Variants in DLG1 observed in about 807,000 individuals in gnomAD.
The protein encoded by DLG1 is discs large MAGUK scaffold protein 1, also known as disks large homolog 1.
Under a neutral mutation model 123.4 loss-of-function variants are expected in DLG1, and 42 were observed. The ratio of observed to expected loss-of-function variants is 0.34; its 90% confidence interval spans 0.27 to 0.44. The LOEUF is 0.44. DLG1 is among the 20% of genes least tolerant of loss of function. The pLI, the probability that DLG1 is intolerant of heterozygous loss-of-function variation, is 1.00. For missense variants in DLG1, 942 were observed against 1,082.6 expected (o/e 0.87, Z 1.82); for synonymous variants, 317 against 356.2 (o/e 0.89, Z 1.24).
chr3:197,162,872 C>A (rs1157320913), intron 5 of DLG1, among the ~76,000 whole-genome samples: 2 of 152,132 alleles, frequency 1.3e-5, no homozygotes, highest in Non-Finnish European at 2.9e-5. Flanking sequence ...AGAATTAAAA[C>A]CTTTTGTGCA....
Position 197,136,620 on chromosome 3 carries a change from G to A in DLG1, c.942C>T (p.Ser314=). Residue 314 remains serine, a synonymous_variant, in exon 10 of 25, where the codon AGC becomes AGT. Transcript: ENST00000667157. The part of the protein sequence containing the change: ...VGNQHIPGDN[S]IYVTKIIEGG... ...CTTCAATTATTTTGGTTACATAGAT[G>A]CTATTATCCCCAGGAATATGCTGAT... 6.2e-7 allele frequency: 1 copy of A among 1,613,158 alleles called. No homozygotes were observed. The highest frequency in any genetic ancestry group is 8.5e-7 in the Non-Finnish European group (1 of 1,179,458).
chr3:197,179,760 T>C (rs982483451), intron 5 of DLG1, among the ~76,000 whole-genome samples: 4 of 152,166 alleles, frequency 2.6e-5, no homozygotes, highest in African/African-American at 9.6e-5. Flanking sequence ...ATATATCCAA[T>C]GCATAGCTCT....
At chr3:197,069,991 A>C (rs55688268) in intron 18 of DLG1, 18 of 152,302 alleles carry the variant, frequency 1.2e-4, no homozygotes, top group Non-Finnish European at 2.1e-4. Flanking sequence ...CTTTTGCAAA[A>C]CATAAAAAAG....
intron 5 of DLG1, among the ~76,000 whole-genome samples, chr3:197,160,368 TA>T (rs11461979): frequency 0.057 from 8,116 of 141,766 alleles, 302 homozygotes; most frequent in African/African-American, 0.12. Context: ...TCAATTCTAT[TA>T]AAAAAAAAAA....
chr3:197,183,513 T>C (rs1009936915), intron 5 of DLG1: 1 of 1,437,936 alleles, frequency 7.0e-7, no homozygotes, highest in Non-Finnish European at 9.4e-7. Flanking sequence ...TATTAAGACA[T>C]TTTTACAGAG....
chr3:197,091,117 T>C (rs905667681), intron 14 of DLG1, 91 bp from the exon 15 acceptor site: 11 of 834,684 alleles, frequency 1.3e-5, no homozygotes, highest in African/African-American at 6.8e-5. Context: ...TGTCCTATAA[T>C]TGATTAAATG....
chr3:197,252,169 G>A (rs551419112), intron 4 of DLG1, among the ~76,000 whole-genome samples: 1 of 152,226 alleles, frequency 6.6e-6, no homozygotes, highest in Non-Finnish European at 1.5e-5. Flanking sequence ...GGAATAAAAG[G>A]AATATGAAAG....
chr3:197,136,452 A>T, intron 10 of DLG1, 90 bp downstream of exon 10: 1 of 1,029,532 alleles, frequency 9.7e-7, no homozygotes, highest in Non-Finnish European at 1.4e-6. Flanking sequence ...CATCATTTAG[A>T]CCTTTTTGGT....
chr3:197,286,678 G>T (rs994068922), intron 3 of DLG1, among the ~76,000 whole-genome samples: 1 of 152,100 alleles, frequency 6.6e-6, no homozygotes, highest in African/African-American at 2.4e-5. Context: ...GTAAAGTATG[G>T]GCTTTAGCTA....
intron 10 of DLG1, among the ~76,000 whole-genome samples, chr3:197,134,004 C>T (rs79245339): frequency 6.6e-6 from 1 of 152,088 alleles, no homozygotes; most frequent in Non-Finnish European, 1.5e-5. Flanking sequence ...CTCCTACCAC[C>T]AAAGCCAGTT....
intron 4 of DLG1, among the ~76,000 whole-genome samples, chr3:197,248,284 C>G (rs1242638416): frequency 6.6e-6 from 1 of 152,176 alleles, no homozygotes; most frequent in Non-Finnish European, 1.5e-5. Context: ...TTGGTCTGTG[C>G]AGAGTTACTT....
intron 18 of DLG1, chr3:197,071,000 TATTA>T (rs1743544460): frequency 1.3e-5 from 2 of 152,200 alleles, no homozygotes; most frequent in Non-Finnish European, 2.9e-5. Flanking sequence ...CCTCGCTATT[TATTA>T]GATATTTTTA....
chr3:197,204,852 A>G (rs1727691785), intron 4 of DLG1, among the ~76,000 whole-genome samples: 2 of 152,152 alleles, frequency 1.3e-5, no homozygotes, highest in African/African-American at 4.8e-5. Context: ...CCTGAACCCA[A>G]TCCCCTGTGG....
chr3:197,165,174 G>A (rs780755832), intron 5 of DLG1, among the ~76,000 whole-genome samples: 8 of 152,128 alleles, frequency 5.3e-5, no homozygotes, highest in Non-Finnish European at 1.2e-4. Context: ...TGTTGACAAG[G>A]AATACACAGT....
chr3:197,295,729 A>C (rs1777104015), intron 3 of DLG1, among the ~76,000 whole-genome samples: 1 of 152,202 alleles, frequency 6.6e-6, no homozygotes, highest in African/African-American at 2.4e-5. Flanking sequence ...GAAAAGATTA[A>C]ATGACTTGGG....
At chr3:197,075,898 G>C in intron 18 of DLG1, 1 of 1,603,206 alleles carries the variant, frequency 6.2e-7, no homozygotes, top group East Asian at 2.2e-5. Flanking sequence ...CAGAGAGCAA[G>C]CAATAAAAAG....
chr3:197,226,298 C>T (rs1739885701), intron 4 of DLG1: 1 of 151,960 alleles, frequency 6.6e-6, no homozygotes, highest in South Asian at 2.1e-4. Context: ...GCATCGGATT[C>T]ACCACAGAGC....
intron 1 of DLG1, chr3:197,297,476 C>A (rs935441265): frequency 7.6e-7 from 1 of 1,321,316 alleles, no homozygotes; most frequent in African/African-American, 1.5e-5. Context: ...TCCTCGAAAG[C>A]GTCCCCTCCC....
intron 24 of DLG1, among the ~76,000 whole-genome samples, chr3:197,048,326 C>A (rs1422557426): frequency 6.6e-6 from 1 of 152,084 alleles, no homozygotes; most frequent in Admixed American, 6.6e-5. Context: ...CAAAAATTAG[C>A]CGGGTGTGGT....
Sources: allele counts gnomAD v4.1 joint callset (sites outside exome capture counted in the v4.1 genomes callset), GRCh38; gene constraint gnomAD v4.1.1; transcripts MANE v1.5; gene names NCBI Gene and HGNC (gene_info 2026-07-23, HGNC 2026-07-21).